Variants in BLM observed in about 807,000 individuals in gnomAD.
BLM encodes recQ-like DNA helicase BLM.
BLM carries 95 observed loss-of-function variants against 135.3 expected under a neutral mutation model. That is an observed-to-expected ratio of 0.70 (90% CI 0.59 to 0.83). BLM has a LOEUF of 0.83. BLM is among the 40% of genes least tolerant of loss of function. The pLI, the probability that BLM is intolerant of heterozygous loss-of-function variation, is 0.00. For missense variants in BLM, 1,518 were observed against 1,663.9 expected, an observed-to-expected ratio of 0.91 and a Z score of 1.53; for synonymous variants, 520 against 589.2, an observed-to-expected ratio of 0.88 and a Z score of 1.70.
At chr15:90,800,236 C>G (rs557643392) in intron 17 of BLM, among the ~76,000 whole-genome samples, 3 of 152,306 alleles carry the variant, frequency 2.0e-5, no homozygotes, top group Non-Finnish European at 4.4e-5. Flanking sequence ...CTGACATCAG[C>G]TTAATATCAG....
At chr15:90,792,700 A>T (rs1315173346) in intron 15 of BLM, among the ~76,000 whole-genome samples, 1 of 152,158 alleles carries the variant, frequency 6.6e-6, no homozygotes. Context: ...TAAATGCCTT[A>T]CATGTATCAT....
Position 90,804,326 on chromosome 15 carries a change from A to G in BLM, c.3718A>G (p.Ile1240Val). 1 of 1,614,164 alleles carries G rather than the reference A, an allele frequency of 6.2e-7. No homozygotes were observed. The highest frequency in any genetic ancestry group is 2.2e-5 in the East Asian group (1 of 44,890). Residue 1240 changes from isoleucine to valine, a missense_variant, in exon 19 of 22, where the codon ATT becomes GTT. Around this residue, in one of 5 missense-constraint regions of BLM, gnomAD observed 626 missense variants for 681.1 expected, o/e 0.92. Coordinates refer to ENST00000355112, the MANE Select transcript of BLM (RefSeq NM_000057.4). ...AGTTTTTGGTGTCCATTACTTCAAT[A>G]TTTTTAATACCGTCACTCTCAAGAA... ...GKVFGVHYFN[I>V]FNTVTLKKLA...
chr15:90,803,400 C>CA lies in BLM; in HGVS notation c.3359-121_3359-120insA, dbSNP rs11377009. On this transcript the variant is annotated intron_variant, in intron 17 of 21. Transcript: ENST00000355112. ...ATTTAACAGAAATGAGTGTCTGTGC[C>CA]GGGGTTTGTGATCTATTCCATCTGT... The CA allele has an allele frequency of 0.67, 533,878 of 794,838 alleles. 181,083 individuals carry two copies. The highest frequency in any genetic ancestry group is 0.83 in the East Asian group (31,202 of 37,454). The allele number at this position is 794,838 out of a possible 1,614,324, so 49.2% of individuals were successfully genotyped here. A position where few individuals can be genotyped will look rare whatever the true frequency, so the allele number is the denominator to read the frequency against.
intron 12 of BLM, among the ~76,000 whole-genome samples, chr15:90,782,126 G>A (rs1372437742): frequency 6.6e-6 from 1 of 152,184 alleles, no homozygotes; most frequent in Admixed American, 6.5e-5. Context: ...GGTGGCTCAT[G>A]CCTGTAATCC....
intron 4 of BLM, among the ~76,000 whole-genome samples, chr15:90,752,302 G>A (rs1348492261): frequency 6.6e-6 from 1 of 151,624 alleles, no homozygotes; most frequent in Non-Finnish European, 1.5e-5. Context: ...CAGCCTCCCA[G>A]GTAGCTGGAA....
intron 13 of BLM, 42 bp from the exon 14 acceptor site, chr15:90,784,879 G>A (rs922952614): frequency 6.3e-7 from 1 of 1,597,250 alleles, no homozygotes; most frequent in Non-Finnish European, 8.6e-7. Context: ...TTTTGTTTAT[G>A]TTAAAAATTC....
chr15:90,736,547 C>T (rs916924084), intron 1 of BLM, among the ~76,000 whole-genome samples: 2 of 152,198 alleles, frequency 1.3e-5, no homozygotes, highest in African/African-American at 4.8e-5. Context: ...GTGTGAGCCA[C>T]CGTGCCCGGC....
intron 14 of BLM, among the ~76,000 whole-genome samples, chr15:90,785,998 CTTTTTTTTTT>C (rs869185558): frequency 2.7e-5 from 3 of 110,704 alleles, no homozygotes; most frequent in African/African-American, 6.1e-5. Flanking sequence ...TCGTTTCTTT[CTTTTTTTTTT>C]TTTTTTTTTT....
At chr15:90,734,083 T>C (rs1354302247) in intron 1 of BLM, among the ~76,000 whole-genome samples, 5 of 152,156 alleles carry the variant, frequency 3.3e-5, no homozygotes, top group African/African-American at 1.2e-4. Flanking sequence ...TCCAGCACTC[T>C]ATTACAAAAC....
intron 18 of BLM, 145 bp downstream of exon 18, chr15:90,803,865 T>C: frequency 2.1e-6 from 2 of 956,300 alleles, no homozygotes; most frequent in South Asian, 3.3e-5. Flanking sequence ...TTTTCTTAAA[T>C]TGGAAAGAGA....
chr15:90,814,075 T>TGCATCTCTGCCAGTCTAGC (rs1177125651), intron 21 of BLM, among the ~76,000 whole-genome samples: 2 of 152,246 alleles, frequency 1.3e-5, no homozygotes, highest in African/African-American at 4.8e-5. Flanking sequence ...AACTTCAGGC[T>TGCATCTCTGCCAGTCTAGC]GCATCTCTGC....
rs878962653 is a variant in BLM, at chr15:90,754,808, C to T, written c.960-3C>T. ...ATTGGCTTAACATTTTTTTTATTTG[C>T]AGTACGTTAAAGGACCTTGACACCT... On this transcript the variant is annotated splice_region_variant and splice_polypyrimidine_tract_variant and intron_variant, in intron 4 of 21. Transcript: ENST00000355112. 1 of 1,612,890 alleles carries T rather than the reference C, an allele frequency of 6.2e-7. No individual in the cohort carries two copies. Among genetic ancestry groups the T allele is most frequent in the Non-Finnish European group, 8.5e-7 (1 of 1,179,490 alleles).
chr15:90,766,040 T>C (rs767420450), intron 9 of BLM, among the ~76,000 whole-genome samples: 26 of 152,282 alleles, frequency 1.7e-4, no homozygotes, highest in Non-Finnish European at 3.7e-4. Flanking sequence ...GCCCAGGAGT[T>C]TGAGGCTGCA....
intron 10 of BLM, 74 bp downstream of exon 10, chr15:90,767,097 A>T: frequency 3.1e-6 from 3 of 978,208 alleles, no homozygotes; most frequent in Non-Finnish European, 4.5e-6. Flanking sequence ...ATTTTAACAA[A>T]ATTTTGTATA....
chr15:90,760,471 T>A (rs991113096), intron 6 of BLM, 123 bp from the exon 7 acceptor site: 86 of 1,300,164 alleles, frequency 6.6e-5, no homozygotes, highest in Non-Finnish European at 9.1e-5. Flanking sequence ...TTTTTAAGAT[T>A]GGGAAAAAAG....
At chr15:90,740,830 T>C (rs985119975) in intron 1 of BLM, among the ~76,000 whole-genome samples, 1 of 152,222 alleles carries the variant, frequency 6.6e-6, no homozygotes, top group Admixed American at 6.5e-5. Flanking sequence ...CCTGCCACCA[T>C]ATAAGATGTG....
In BLM at chr15:90,729,501, C is replaced by G. The variant is rs201063806; in HGVS notation, c.-5+12061C>G. Among the ~76,000 whole-genome samples, 3 of 152,208 alleles carry G rather than the reference C, an allele frequency of 2.0e-5. No homozygotes were observed. In the East Asian group the frequency reaches 5.8e-4, roughly 29 times the overall value. On this transcript the variant is annotated intron_variant, in intron 1 of 21. Transcript: ENST00000355112. ...TCAGCTTTTAGAGACTATTCGTATT[C>G]CTTGACTCTTGGCTTTCCTCCTCCA...
At chr15:90,759,646 C>T (rs1203539728) in intron 5 of BLM, among the ~76,000 whole-genome samples, 2 of 151,510 alleles carry the variant, frequency 1.3e-5, no homozygotes, top group East Asian at 3.9e-4. Flanking sequence ...CACTTTTGTC[C>T]CCCAGGCTGG....
At chr15:90,781,750 G>A (rs1020369540) in intron 12 of BLM, among the ~76,000 whole-genome samples, 5 of 152,194 alleles carry the variant, frequency 3.3e-5, no homozygotes, top group African/African-American at 1.2e-4. Flanking sequence ...ACCATCCTGG[G>A]CTGCATGTGG....
Sources: gnomAD v4.1 joint callset for allele counts (sites outside exome capture counted in the v4.1 genomes callset) on GRCh38, gnomAD v4.1.1 for gene constraint, gnomAD v4.1.1 regional missense constraint, MANE v1.5 for transcripts, NCBI Gene and HGNC (gene_info 2026-07-23, HGNC 2026-07-21) for gene names.